COL4A5: variants seen among roughly 807,000 people sequenced by gnomAD.
COL4A5 encodes collagen alpha-5(IV) chain.
Under a neutral mutation model 130.2 loss-of-function variants are expected in COL4A5, and 26 were observed. The ratio of observed to expected loss-of-function variants is 0.20; its 90% confidence interval spans 0.15 to 0.28. The LOEUF (loss-of-function observed/expected upper bound fraction) is 0.28. COL4A5 is among the 10% of genes least tolerant of loss of function. The pLI is 1.00. For missense variants in COL4A5, 1,131 were observed against 1,344.3 expected (o/e 0.84, Z 2.48); for synonymous variants, 496 against 439.6 (o/e 1.13, Z -1.60).
chrX:108,581,149 G>T, intron 16 of COL4A5, 122 bp downstream of exon 16: 1 of 610,458 alleles, frequency 1.6e-6, no homozygotes, highest in Non-Finnish European at 2.7e-6. Flanking sequence ...TAAATGAATT[G>T]AAATTATCCA....
At position 108,449,220 on chromosome X, in the gene COL4A5, G is replaced by A. The variant is rs1279023337; in HGVS notation, c.81+9014G>A. 2.7e-5 allele frequency among the ~76,000 whole-genome samples: 3 copies of A among 111,916 alleles called. No individual in the cohort carries two copies. In the Admixed American group the frequency reaches 2.9e-4, roughly 11 times the overall value. On this transcript the variant is annotated intron_variant, in intron 1 of 52. Coordinates refer to ENST00000328300, the MANE Select transcript of COL4A5 (RefSeq NM_033380.3). Reference sequence around the variant, plus strand: ...TGCTACCTAGAAAAGTTGGAGGGTGGAAAATATGTAAATAAACTCATGATG... The same window carrying A: ...TGCTACCTAGAAAAGTTGGAGGGTGAAAAATATGTAAATAAACTCATGATG...
At chrX:108,664,415 A>T (rs1436020301) in intron 37 of COL4A5, among the ~76,000 whole-genome samples, 2 of 112,087 alleles carry the variant, frequency 1.8e-5, no homozygotes, top group African/African-American at 6.5e-5. Context: ...AGAAAAAAAA[A>T]TGTTTTTAAT....
At chrX:108,591,409 A>T (rs1178414181) in intron 20 of COL4A5, 152 bp from the exon 21 acceptor site, 1 of 602,602 alleles carries the variant, frequency 1.7e-6, no homozygotes, top group African/African-American at 2.3e-5. Context: ...CTCTTCATAT[A>T]GTATTTATCA....
intron 1 of COL4A5, among the ~76,000 whole-genome samples, chrX:108,480,624 A>G (rs895005259): frequency 1.8e-5 from 2 of 113,117 alleles, no homozygotes; most frequent in Non-Finnish European, 3.7e-5. Context: ...ATGCACAGGA[A>G]TGGAGAAAAA....
In COL4A5 at chrX:108,687,707, A is replaced by G. The variant is rs1325313560; in HGVS notation, c.4528+13A>G. On this transcript the variant is annotated intron_variant, in intron 49 of 52. Coordinates refer to ENST00000328300, the MANE Select transcript of COL4A5 (RefSeq NM_033380.3). ...GGTCAAGACTTGGGTGAGATAATCA[A>G]TATCTAATTTCCTACTGTGCCTTTT... is the stretch of plus-strand genomic sequence containing the variant. The G allele has an allele frequency of 4.2e-6, 5 of 1,190,153 alleles. No individual in the cohort carries two copies. The highest frequency in any genetic ancestry group is 5.7e-6 in the Non-Finnish European group (5 of 877,784).
At chrX:108,615,550 T>C (rs765944524) in intron 30 of COL4A5, among the ~76,000 whole-genome samples, 1 of 111,705 alleles carries the variant, frequency 9.0e-6, no homozygotes, top group South Asian at 3.7e-4. Flanking sequence ...TCCAAATCTT[T>C]ACTTTTAATA....
chrX:108,605,423 T>A (rs1364845708), intron 28 of COL4A5, among the ~76,000 whole-genome samples: 1 of 111,692 alleles, frequency 9.0e-6, no homozygotes, highest in Non-Finnish European at 1.9e-5. Flanking sequence ...ATTTTTTTAT[T>A]AAGTTCACCA....
chrX:108,597,644 A>T (rs888945379), intron 24 of COL4A5, 76 bp downstream of exon 24: 1 of 907,703 alleles, frequency 1.1e-6, no homozygotes, highest in Non-Finnish European at 1.6e-6. Context: ...AATTCAAAGG[A>T]TGGGACTGAT....
In COL4A5 at chrX:108,439,871, C is replaced by T; in HGVS notation, c.-255C>T. Reference sequence around the variant, plus strand: ...AGGAATTGAGTGAAGAAAAAGTTTGCAAGTCTGGACAGAAGGGAAAAGTTC... The same window carrying T: ...AGGAATTGAGTGAAGAAAAAGTTTGTAAGTCTGGACAGAAGGGAAAAGTTC... On this transcript the variant is annotated 5_prime_UTR_variant, in exon 1 of 53. Transcript: ENST00000328300. 1 of 390,653 alleles carries T rather than the reference C, an allele frequency of 2.6e-6. No homozygotes were observed. The highest frequency in any genetic ancestry group is 4.4e-6 in the Non-Finnish European group (1 of 225,091). 32.2% of individuals were successfully genotyped at this position (390,653 alleles called of 1,213,427 possible). A position where few individuals can be genotyped will look rare whatever the true frequency, so the allele number is the denominator to read the frequency against.
chrX:108,580,790 G>A, intron 15 of COL4A5, 52 bp downstream of exon 15: 1 of 1,085,811 alleles, frequency 9.2e-7, no homozygotes, highest in Non-Finnish European at 1.3e-6. Context: ...AAATGTGTGT[G>A]TGTGTGATTT....
At chrX:108,588,213 C>T (rs2147791129) in intron 19 of COL4A5, among the ~76,000 whole-genome samples, 1 of 110,884 alleles carries the variant, frequency 9.0e-6, no homozygotes, top group Non-Finnish European at 1.9e-5. Flanking sequence ...TGGTACAGTG[C>T]CTGGCACACA....
At chrX:108,467,137 A>G (rs1225154048) in intron 1 of COL4A5, among the ~76,000 whole-genome samples, 3 of 111,753 alleles carry the variant, frequency 2.7e-5, no homozygotes, top group African/African-American at 9.8e-5. Context: ...ATGTTTTATT[A>G]TACAAGTTGT....
At position 108,598,880 on chromosome X, in the gene COL4A5, CT is replaced by C. The variant is rs773967012; in HGVS notation, c.1948+11del. 24 of 1,207,955 alleles carry C rather than the reference CT, an allele frequency of 2.0e-5. No homozygotes were observed. The South Asian group carries it at 4.2e-4, about 21-fold the overall frequency. ...CAGCCAGGAATACCAGGTAAGTTTA[CT>C]GTGTTTTGTTTTAAACTTGGTGCTT... On this transcript the variant is annotated intron_variant, in intron 25 of 52. Coordinates refer to ENST00000328300, the MANE Select transcript of COL4A5 (RefSeq NM_033380.3).
chrX:108,547,373 A>C (rs2065676157), intron 2 of COL4A5, among the ~76,000 whole-genome samples: 1 of 111,352 alleles, frequency 9.0e-6, no homozygotes. Flanking sequence ...CCGGAGGTCC[A>C]CTCCAGACCC....
At chrX:108,667,101 TTTTTG>T (rs1158638527) in intron 39 of COL4A5, 27 bp from the exon 40 acceptor site, 2 of 1,198,897 alleles carry the variant, frequency 1.7e-6, no homozygotes, top group Non-Finnish European at 2.3e-6. Flanking sequence ...TCCACTTGAG[TTTTTG>T]TTTTGTTTTG....
intron 36 of COL4A5, among the ~76,000 whole-genome samples, chrX:108,648,364 A>T: frequency 9.0e-6 from 1 of 111,597 alleles, no homozygotes; most frequent in Non-Finnish European, 1.9e-5. Flanking sequence ...ACACTATTCC[A>T]CAAGACAGAG....
intron 40 of COL4A5, 65 bp downstream of exon 40, chrX:108,667,248 A>G (rs1394260554): frequency 3.0e-6 from 3 of 1,012,204 alleles, no homozygotes; most frequent in East Asian, 3.1e-5. Context: ...AAATACATCT[A>G]TTTTTCCATC....
chrX:108,648,261 A>T (rs963342842), intron 36 of COL4A5, among the ~76,000 whole-genome samples: 6 of 111,188 alleles, frequency 5.4e-5, no homozygotes, highest in African/African-American at 2.0e-4. Flanking sequence ...AATGGTAATT[A>T]AAAAATTACC....
intron 1 of COL4A5, among the ~76,000 whole-genome samples, chrX:108,535,383 G>A (rs780694001): frequency 1.1e-4 from 12 of 110,237 alleles, no homozygotes; most frequent in Non-Finnish European, 1.5e-4. Context: ...TTTTTAATTA[G>A]GAAATCTCAT....
Sources: gnomAD v4.1 joint callset for allele counts (sites outside exome capture counted in the v4.1 genomes callset) on GRCh38, gnomAD v4.1.1 for gene constraint, MANE v1.5 for transcripts, NCBI Gene and HGNC (gene_info 2026-07-23, HGNC 2026-07-21) for gene names.